LNX2: variants seen among roughly 807,000 people sequenced by gnomAD.
LNX2 encodes the protein ligand of numb-protein X 2, also known as ligand of Numb protein X 2.
LNX2 carries 35 observed loss-of-function variants against 66.2 expected under a neutral mutation model. The observed-to-expected ratio is 0.53, with a 90% CI of 0.40 to 0.70. LNX2 has a LOEUF of 0.70. LNX2 is among the 30% of genes least tolerant of loss of function. The pLI is 0.00. For synonymous variants in LNX2, 337 were observed against 315.6 expected (o/e 1.07, Z -0.72); for missense variants, 791 against 850.8 (o/e 0.93, Z 0.87).
intron 2 of LNX2, among the ~76,000 whole-genome samples, chr13:27,579,826 T>A (rs1288044448): frequency 6.6e-6 from 1 of 152,208 alleles, no homozygotes; most frequent in East Asian, 1.9e-4. Flanking sequence ...CTCAGACTAG[T>A]ATATTCAAAA....
intron 1 of LNX2, among the ~76,000 whole-genome samples, chr13:27,619,510 A>G (rs1205949831): frequency 1.3e-5 from 2 of 152,236 alleles, no homozygotes; most frequent in Non-Finnish European, 1.5e-5. Context: ...GGCAGTTCCA[A>G]TAAGCTGGAG....
chr13:27,606,306 G>A (rs763554614), intron 1 of LNX2, among the ~76,000 whole-genome samples: 4 of 148,670 alleles, frequency 2.7e-5, no homozygotes, highest in Admixed American at 6.8e-5. Flanking sequence ...TCATGAAGAT[G>A]CCCAGATTAA....
chr13:27,604,407 CAA>C (rs1161145544), intron 1 of LNX2, among the ~76,000 whole-genome samples: 1 of 152,138 alleles, frequency 6.6e-6, no homozygotes, highest in African/African-American at 2.4e-5. Flanking sequence ...TATGGGTGAT[CAA>C]AGAAACAGAG....
chr13:27,571,576 A>T (rs577797067), intron 2 of LNX2, among the ~76,000 whole-genome samples: 2 of 152,324 alleles, frequency 1.3e-5, no homozygotes, highest in South Asian at 4.1e-4. Flanking sequence ...GATGATGGTC[A>T]CGTAATTCTG....
intron 1 of LNX2, among the ~76,000 whole-genome samples, chr13:27,594,797 C>G (rs1392386647): frequency 1.3e-5 from 2 of 152,128 alleles, no homozygotes; most frequent in Non-Finnish European, 1.5e-5. Flanking sequence ...TACCTAGGCA[C>G]CAAGTTCCCC....
At chr13:27,582,733 G>T (rs535420061) in intron 1 of LNX2, among the ~76,000 whole-genome samples, 1 of 152,110 alleles carries the variant, frequency 6.6e-6, no homozygotes, top group African/African-American at 2.4e-5. Context: ...ACACACCAGG[G>T]CCTGTCAGGG....
chr13:27,576,880 T>C (rs1955345682), intron 2 of LNX2, among the ~76,000 whole-genome samples: 1 of 152,142 alleles, frequency 6.6e-6, no homozygotes, highest in Non-Finnish European at 1.5e-5. Flanking sequence ...ACATGTAAAT[T>C]TTTGTGACCT....
At chr13:27,580,171 G>A (rs1955381882) in intron 2 of LNX2, among the ~76,000 whole-genome samples, 1 of 152,018 alleles carries the variant, frequency 6.6e-6, no homozygotes, top group Non-Finnish European at 1.5e-5. Context: ...CTACATAGCA[G>A]CAGAGAACAT....
intron 1 of LNX2, among the ~76,000 whole-genome samples, chr13:27,582,747 G>T (rs942897630): frequency 6.6e-6 from 1 of 152,082 alleles, no homozygotes; most frequent in African/African-American, 2.4e-5. Context: ...GTCAGGGGAT[G>T]GGGGGCTAGG....
chr13:27,567,606 A>G, intron 4 of LNX2, 34 bp downstream of exon 4: 1 of 1,580,862 alleles, frequency 6.3e-7, no homozygotes, highest in Non-Finnish European at 8.7e-7. Flanking sequence ...TGGAACAAAA[A>G]GGCACAAGTT....
intron 5 of LNX2, among the ~76,000 whole-genome samples, chr13:27,560,664 G>C (rs1417512029): frequency 1.3e-5 from 2 of 150,772 alleles, no homozygotes. Flanking sequence ...TAAATTTAGA[G>C]GCTTGTTAGC....
chr13:27,588,722 T>TA (rs960396001), intron 1 of LNX2, among the ~76,000 whole-genome samples: 24 of 152,226 alleles, frequency 1.6e-4, no homozygotes, highest in Admixed American at 9.8e-4. Flanking sequence ...AAAGTTTAAT[T>TA]AAAAAATTAC....
In LNX2 at chr13:27,583,239, T is replaced by TCAC. The variant is rs1955435347; in HGVS notation, c.-100-1437_-100-1436insGTG. Reference sequence around the variant, plus strand: ...GTGTGTGTGTGTGTGTGTGTGTGTGTGTGTGTGTGTGTGTGTGCGCGCGTC... The same window carrying TCAC: ...GTGTGTGTGTGTGTGTGTGTGTGTGTCACGTGTGTGTGTGTGTGTGCGCGCGTC... On this transcript the variant is annotated intron_variant, in intron 1 of 9. Coordinates refer to ENST00000316334, the MANE Select transcript of LNX2 (RefSeq NM_153371.4). 1.1e-4 allele frequency among the ~76,000 whole-genome samples: 2 copies of TCAC among 17,692 alleles called. 1 individual carries two copies. Among genetic ancestry groups the TCAC allele is most frequent in the Non-Finnish European group, 2.1e-4 (2 of 9,392 alleles). The allele number at this position is 17,692 out of a possible 152,430, so 11.6% of individuals were successfully genotyped here.
At chr13:27,580,677 T>C (rs1360553926) in intron 2 of LNX2, among the ~76,000 whole-genome samples, 1 of 152,204 alleles carries the variant, frequency 6.6e-6, no homozygotes. Flanking sequence ...CAACTCCTAA[T>C]TCTTGTTCAG....
At chr13:27,612,426 C>A (rs1217433252) in intron 1 of LNX2, among the ~76,000 whole-genome samples, 1 of 152,240 alleles carries the variant, frequency 6.6e-6, no homozygotes, top group Non-Finnish European at 1.5e-5. Context: ...TTAAGGACAA[C>A]TTCTTCAGGA....
chr13:27,597,762 A>T (rs1028324065), intron 1 of LNX2, among the ~76,000 whole-genome samples: 3 of 152,206 alleles, frequency 2.0e-5, no homozygotes, highest in Non-Finnish European at 4.4e-5. Context: ...TTTAGGATAC[A>T]AAAGTTTTAA....
At chr13:27,564,277 A>T (rs1439501143) in intron 4 of LNX2, among the ~76,000 whole-genome samples, 1 of 152,212 alleles carries the variant, frequency 6.6e-6, no homozygotes, top group Non-Finnish European at 1.5e-5. Flanking sequence ...AGTGAAATTC[A>T]GAGAAAGCAG....
At chr13:27,616,543 G>A (rs1955829098) in intron 1 of LNX2, among the ~76,000 whole-genome samples, 1 of 152,184 alleles carries the variant, frequency 6.6e-6, no homozygotes, top group South Asian at 2.1e-4. Flanking sequence ...GATGGCTGGG[G>A]AGAGGGGGAA....
intron 1 of LNX2, among the ~76,000 whole-genome samples, chr13:27,601,458 A>C (rs941654305): frequency 1.3e-5 from 2 of 152,336 alleles, no homozygotes; most frequent in African/African-American, 2.4e-5. Flanking sequence ...GCCCCAAAGA[A>C]AGACAACTGC....
Sources: gnomAD v4.1 joint callset for allele counts (sites outside exome capture counted in the v4.1 genomes callset) on GRCh38, gnomAD v4.1.1 for gene constraint, MANE v1.5 for transcripts, NCBI Gene and HGNC (gene_info 2026-07-23, HGNC 2026-07-21) for gene names.